MRPL1: variants seen among roughly 807,000 people sequenced by gnomAD.
The protein encoded by MRPL1 is mitochondrial ribosomal protein L1.
MRPL1 carries 28 observed loss-of-function variants against 38.0 expected under a neutral mutation model. That is an observed-to-expected ratio of 0.74 (90% CI 0.55 to 1.01). The LOEUF (loss-of-function observed/expected upper bound fraction) is 1.01. Ranked by LOEUF, MRPL1 falls within the 50% of genes least tolerant of loss-of-function variation. The probability of loss-of-function intolerance (pLI) is 0.00; values close to 1 mark genes in which losing one functional copy is unlikely to be tolerated. For synonymous variants in MRPL1, 123 were observed against 126.7 expected (o/e 0.97, Z 0.20); for missense variants, 358 against 389.8 (o/e 0.92, Z 0.69).
chr4:77,923,496 A>G (rs988075606), intron 7 of MRPL1, among the ~76,000 whole-genome samples: 4 of 152,234 alleles, frequency 2.6e-5, no homozygotes, highest in African/African-American at 4.8e-5. Flanking sequence ...TTGACATAAC[A>G]TACTAACTTA....
intron 7 of MRPL1, among the ~76,000 whole-genome samples, chr4:77,915,056 G>T (rs369617328): frequency 2.0e-5 from 3 of 152,170 alleles, no homozygotes; most frequent in Admixed American, 6.5e-5. Flanking sequence ...GATCTAGAAA[G>T]ATGTTTTTTG....
At chr4:77,925,333 CT>C (rs1242232262) in intron 7 of MRPL1, among the ~76,000 whole-genome samples, 181 of 144,112 alleles carry the variant, frequency 1.3e-3, no homozygotes, top group Admixed American at 2.0e-3. Context: ...TAATTAAGTA[CT>C]TTTTTTTTTT....
Position 77,867,861 on chromosome 4 carries a change from G to A in MRPL1, c.32-3883G>A, listed in dbSNP as rs969945591. Among the ~76,000 whole-genome samples the A allele has an allele frequency of 2.6e-4, 37 of 144,262 alleles. 1 individual carries two copies. The South Asian group carries it at 5.4e-3, about 21-fold the overall frequency. The allele number at this position is 144,262 out of a possible 152,430, so 94.6% of individuals were successfully genotyped here. On this transcript the variant is annotated intron_variant, in intron 1 of 8. Transcript: ENST00000315567. ...CAGCTCTGCCTTCCGGGTTCACGCC[G>A]TTCTCCTGCTTCAGCCTCCCGAGTA...
intron 2 of MRPL1, among the ~76,000 whole-genome samples, chr4:77,875,198 C>T (rs944683937): frequency 6.6e-6 from 1 of 151,924 alleles, no homozygotes; most frequent in Non-Finnish European, 1.5e-5. Context: ...ATATGATATT[C>T]GTATATTATG....
At chr4:77,916,573 C>T (rs1223274330) in intron 7 of MRPL1, among the ~76,000 whole-genome samples, 1 of 152,152 alleles carries the variant, frequency 6.6e-6, no homozygotes, top group Non-Finnish European at 1.5e-5. Context: ...GCCACACATA[C>T]TATTCTGTAG....
At chr4:77,909,393 T>C (rs1170604375) in intron 7 of MRPL1, 21 bp downstream of exon 7, 3 of 1,330,446 alleles carry the variant, frequency 2.3e-6, no homozygotes, top group Non-Finnish European at 3.2e-6. Flanking sequence ...ATGAAAATTA[T>C]CAAATAATCC....
intron 1 of MRPL1, among the ~76,000 whole-genome samples, chr4:77,869,108 A>G (rs1378351291): frequency 3.3e-5 from 5 of 152,206 alleles, no homozygotes; most frequent in Non-Finnish European, 5.9e-5. Context: ...AGGCAAGAAT[A>G]GATGGATACG....
At chr4:77,863,279 T>C (rs6827822) in intron 1 of MRPL1, among the ~76,000 whole-genome samples, 32,867 of 151,864 alleles carry the variant, frequency 0.22, 4,386 homozygotes, top group African/African-American at 0.37. Context: ...AAGTGCTTTT[T>C]GGTGCTTTCG....
chr4:77,907,760 C>T lies in MRPL1; in HGVS notation c.671-1506C>T, dbSNP rs113825234. ...TGTATTTTTAGTAGAGACGGGGTTT[C>T]GCCGTGTTGGCCAGGCTGGTCTCGA... On this transcript the variant is annotated intron_variant, in intron 6 of 8. Transcript: ENST00000315567. Among the ~76,000 whole-genome samples the T allele has an allele frequency of 6.5e-4, 99 of 152,198 alleles. 1 individual carries two copies. Among genetic ancestry groups the T allele is most frequent in the African/African-American group, 2.1e-3 (89 of 41,526 alleles).
intron 3 of MRPL1, among the ~76,000 whole-genome samples, 175 bp downstream of exon 3, chr4:77,883,675 T>C (rs918896042): frequency 6.6e-6 from 1 of 152,202 alleles, no homozygotes; most frequent in Middle Eastern, 3.4e-3. Context: ...CCTCCCGGGC[T>C]CAGGTGATCC....
chr4:77,872,920 C>G (rs573495967), intron 2 of MRPL1, among the ~76,000 whole-genome samples: 1 of 152,192 alleles, frequency 6.6e-6, no homozygotes, highest in Non-Finnish European at 1.5e-5. Context: ...GTAATCCCTG[C>G]TACTTGGGAG....
chr4:77,919,141 TAG>T (rs1294940935), intron 7 of MRPL1, among the ~76,000 whole-genome samples: 1 of 152,196 alleles, frequency 6.6e-6, no homozygotes, highest in African/African-American at 2.4e-5. Flanking sequence ...CCTGTCAGAA[TAG>T]AGACTTTGAA....
At chr4:77,886,744 A>G (rs6838630) in intron 4 of MRPL1, among the ~76,000 whole-genome samples, 31,718 of 148,876 alleles carry the variant, frequency 0.21, 4,070 homozygotes, top group African/African-American at 0.36. Flanking sequence ...GCCTGCCAAA[A>G]TGTTGGGATT....
chr4:77,944,847 G>A lies in MRPL1; in HGVS notation c.778-4950G>A, dbSNP rs193147333. 3.4e-3 allele frequency among the ~76,000 whole-genome samples: 511 copies of A among 152,072 alleles called. 3 individuals are homozygous for A. Among genetic ancestry groups the A allele is most frequent in the Non-Finnish European group, 5.8e-3 (392 of 67,998 alleles). On this transcript the variant is annotated intron_variant, in intron 7 of 8. Transcript: ENST00000315567. ...TTCATTTTCCTTATATAAAGATCAC[G>A]AACTTGTAATAGCTGTGTCCAGAGT...
intron 7 of MRPL1, among the ~76,000 whole-genome samples, chr4:77,937,101 G>A (rs1034181188): frequency 3.3e-5 from 5 of 151,934 alleles, no homozygotes; most frequent in Non-Finnish European, 7.4e-5. Flanking sequence ...CTCCAGTCTG[G>A]GTGACAGAGT....
chr4:77,874,967 T>C (rs1239363990), intron 2 of MRPL1, among the ~76,000 whole-genome samples: 1 of 151,860 alleles, frequency 6.6e-6, no homozygotes, highest in Non-Finnish European at 1.5e-5. Flanking sequence ...TTTGTATTTT[T>C]AGTAGAGATG....
At chr4:77,890,045 A>G (rs1242601796) in intron 5 of MRPL1, among the ~76,000 whole-genome samples, 2 of 152,238 alleles carry the variant, frequency 1.3e-5, no homozygotes, top group Admixed American at 6.5e-5. Context: ...AGATTCTACC[A>G]GAGGTACAAA....
intron 7 of MRPL1, among the ~76,000 whole-genome samples, chr4:77,911,708 C>A (rs1736292505): frequency 6.6e-6 from 1 of 152,076 alleles, no homozygotes; most frequent in African/African-American, 2.4e-5. Flanking sequence ...TAGCAGAGTA[C>A]TTCTGGATAA....
intron 7 of MRPL1, among the ~76,000 whole-genome samples, chr4:77,933,593 G>GGC (rs1011617753): frequency 1.3e-5 from 2 of 152,166 alleles, no homozygotes; most frequent in Non-Finnish European, 2.9e-5. Context: ...AAAGCAGAGA[G>GGC]GCAAAAGACT....
Sources: gnomAD v4.1 joint callset for allele counts (sites outside exome capture counted in the v4.1 genomes callset) on GRCh38, gnomAD v4.1.1 for gene constraint, MANE v1.5 for transcripts, NCBI Gene and HGNC (gene_info 2026-07-23, HGNC 2026-07-21) for gene names.